Variants in FGF14 observed in about 807,000 individuals in gnomAD.
FGF14 encodes the protein fibroblast growth factor homologous factor 4.
A neutral mutation model predicts 25.5 loss-of-function variants in FGF14; 5 were observed. The observed-to-expected ratio is 0.20, with a 90% confidence interval of 0.10 to 0.41. The LOEUF (loss-of-function observed/expected upper bound fraction) is 0.41. FGF14 is among the 10% of genes least tolerant of loss of function. FGF14 has a pLI of 1.00. For synonymous variants in FGF14, 138 were observed against 118.3 expected (o/e 1.17, Z -1.08); for missense variants, 222 against 320.1 (o/e 0.69, Z 2.34).
chr13:101,753,290 C>A (rs940610722), intron 3 of FGF14, among the ~76,000 whole-genome samples: 1 of 104,820 alleles, frequency 9.5e-6, no homozygotes, highest in African/African-American at 3.6e-5. Context: ...CACAGACACA[C>A]ACAGACAGAC....
chr13:102,315,532 A>G (rs1325835614), intron 1 of FGF14, among the ~76,000 whole-genome samples: 1 of 152,236 alleles, frequency 6.6e-6, no homozygotes, highest in Non-Finnish European at 1.5e-5. Context: ...TATTTGGCAC[A>G]GTTTGGGTCA....
At position 102,072,051 on chromosome 13, in the gene FGF14, T is replaced by A. The variant is rs78796845; in HGVS notation, c.209-196755A>T. Among the ~76,000 whole-genome samples the A allele has an allele frequency of 3.7e-3, 566 of 152,278 alleles. 2 individuals carry two copies. The highest frequency in any genetic ancestry group is 0.013 in the African/African-American group (541 of 41,530). ...AAATAAGGAGGGAAATCATGAAAAT[T>A]GAGAGGCAGAGCTCACTGCTGTGAT... On this transcript the variant is annotated intron_variant, in intron 1 of 4. Coordinates refer to the FGF14 transcript ENST00000376131.
chr13:101,823,471 CTT>C (rs575857659), intron 3 of FGF14, among the ~76,000 whole-genome samples: 1 of 150,086 alleles, frequency 6.7e-6, no homozygotes, highest in South Asian at 2.1e-4. Context: ...GAGTTTTGCT[CTT>C]GTTGCCCAGG....
At chr13:101,793,566 A>G (rs114549683) in intron 3 of FGF14, among the ~76,000 whole-genome samples, 2,330 of 152,232 alleles carry the variant, frequency 0.015, 55 homozygotes, top group African/African-American at 0.052. Context: ...CTTGGACATA[A>G]TGATTTCGAA....
chr13:101,983,639 A>G (rs2038394702), intron 1 of FGF14, among the ~76,000 whole-genome samples: 1 of 152,150 alleles, frequency 6.6e-6, no homozygotes, highest in Non-Finnish European at 1.5e-5. Context: ...CTTACTTACT[A>G]TATTAGTTGG....
At chr13:101,974,945 A>G (rs1001004476) in intron 1 of FGF14, among the ~76,000 whole-genome samples, 2 of 152,200 alleles carry the variant, frequency 1.3e-5, no homozygotes, top group African/African-American at 4.8e-5. Flanking sequence ...GAAGCTGAGA[A>G]ATACAGAAGC....
At position 101,856,926 on chromosome 13, in the gene FGF14, G is replaced by A. The variant is rs1366389483; in HGVS notation, c.408+11799C>T. Among the ~76,000 whole-genome samples, 7 of 151,974 alleles carry A rather than the reference G, an allele frequency of 4.6e-5. No individual in the cohort carries two copies. In the East Asian group the frequency reaches 9.7e-4, roughly 21 times the overall value. The stretch of plus-strand genomic sequence containing the variant: ...GGCATCTCTTTTGCACGTGGTCTAC[G>A]GTATAGGTAATAGAAACAGTATTAT... On this transcript the variant is annotated intron_variant, in intron 3 of 4. Coordinates refer to ENST00000376143, the MANE Select transcript of FGF14 (RefSeq NM_004115.4).
intron 1 of FGF14, among the ~76,000 whole-genome samples, chr13:102,154,459 T>C (rs539460307): frequency 2.4e-4 from 36 of 151,928 alleles, no homozygotes; most frequent in Non-Finnish European, 3.4e-4. Context: ...TACAGACAAG[T>C]AAATGCTGAG....
chr13:101,785,646 T>A (rs1041630722), intron 3 of FGF14, among the ~76,000 whole-genome samples: 1 of 152,138 alleles, frequency 6.6e-6, no homozygotes, highest in African/African-American at 2.4e-5. Flanking sequence ...TATCTATCTT[T>A]AAAGTAGGAT....
At chr13:101,936,971 G>A (rs557956508) in intron 1 of FGF14, among the ~76,000 whole-genome samples, 1 of 152,268 alleles carries the variant, frequency 6.6e-6, no homozygotes, top group Admixed American at 6.5e-5. Context: ...AGAGATGGGG[G>A]TGTTTGAAAC....
chr13:101,842,802 C>A (rs1411470627), intron 3 of FGF14, among the ~76,000 whole-genome samples: 1 of 151,952 alleles, frequency 6.6e-6, no homozygotes, highest in Non-Finnish European at 1.5e-5. Context: ...ATCATGCATG[C>A]CAATCCCCAA....
intron 1 of FGF14, among the ~76,000 whole-genome samples, chr13:102,148,534 C>T (rs1254573951): frequency 3.3e-5 from 5 of 152,132 alleles, no homozygotes; most frequent in East Asian, 3.9e-4. Context: ...GATGGCCAGG[C>T]GCAGTGGCTC....
At chr13:101,953,312 C>T (rs1416041832) in intron 1 of FGF14, among the ~76,000 whole-genome samples, 1 of 151,898 alleles carries the variant, frequency 6.6e-6, no homozygotes, top group Non-Finnish European at 1.5e-5. Flanking sequence ...TAATTAATTC[C>T]ACCACCTGCA....
In FGF14 at chr13:101,720,450, C is replaced by T. The variant is rs1205909569; in HGVS notation, c.*2381G>A. 6.6e-6 allele frequency: 1 copy of T among 151,710 alleles called. No homozygotes were observed. 9.4% of individuals were successfully genotyped at this position (151,710 alleles called of 1,614,324 possible). A position where few individuals can be genotyped will look rare whatever the true frequency, so the allele number is the denominator to read the frequency against. On this transcript the variant is annotated 3_prime_UTR_variant, in exon 5 of 5. Coordinates refer to ENST00000376143, the MANE Select transcript of FGF14 (RefSeq NM_004115.4). ...AAAATAAATCTTGTCTTAATTTAAA[C>T]CAATAAACAGACTTGCAGGGGAAAA...
At chr13:102,236,530 G>A (rs1002536911) in intron 1 of FGF14, among the ~76,000 whole-genome samples, 6 of 152,146 alleles carry the variant, frequency 3.9e-5, no homozygotes, top group Non-Finnish European at 1.5e-5. Flanking sequence ...CAAATAGAAC[G>A]AGGTGCACTG....
chr13:101,724,950 T>C (rs2035309705), intron 4 of FGF14, among the ~76,000 whole-genome samples: 1 of 151,964 alleles, frequency 6.6e-6, no homozygotes, highest in South Asian at 2.1e-4. Flanking sequence ...TATCATTCTA[T>C]ACCACATCAT....
upstream of FGF14, among the ~76,000 whole-genome samples, chr13:101,920,837 T>C (rs1228356707): frequency 6.6e-6 from 1 of 152,218 alleles, no homozygotes. Context: ...CACCAACTGA[T>C]TGATAATAAA....
intron 3 of FGF14, among the ~76,000 whole-genome samples, chr13:101,860,117 G>A (rs1034134259): frequency 2.6e-5 from 4 of 151,998 alleles, no homozygotes; most frequent in East Asian, 1.9e-4. Context: ...TGAGCTTTAC[G>A]TGGTGCAGAC....
At chr13:102,066,874 T>C (rs1347464254) in intron 1 of FGF14, among the ~76,000 whole-genome samples, 1 of 152,172 alleles carries the variant, frequency 6.6e-6, no homozygotes, top group East Asian at 1.9e-4. Context: ...CTCCAGTTTC[T>C]CCCCATCCTC....
Sources: gnomAD v4.1 joint callset for allele counts (sites outside exome capture counted in the v4.1 genomes callset) on GRCh38, gnomAD v4.1.1 for gene constraint, MANE v1.5 for transcripts, NCBI Gene and HGNC (gene_info 2026-07-23, HGNC 2026-07-21) for gene names.